The following SNTG2 variants were observed in gnomAD, a reference collection of about 807,000 sequenced individuals.
The protein encoded by SNTG2 is gamma-2-syntrophin.
A neutral mutation model predicts 70.9 loss-of-function variants in SNTG2; 74 were observed. The ratio of observed to expected loss-of-function variants is 1.04; its 90% CI spans 0.86 to 1.27. SNTG2 has a LOEUF of 1.27. SNTG2 is among the 50% of genes most tolerant of loss of function. The pLI, the probability that SNTG2 is intolerant of heterozygous loss-of-function variation, is 0.00. For synonymous variants in SNTG2, 278 were observed against 273.8 expected, an observed-to-expected ratio of 1.02 and a Z score of -0.15; for missense variants, 717 against 690.7, an observed-to-expected ratio of 1.04 and a Z score of -0.43.
intron 16 of SNTG2, among the ~76,000 whole-genome samples, chr2:1,365,848 C>T (rs1661448697): frequency 6.6e-6 from 1 of 152,254 alleles, no homozygotes; most frequent in African/African-American, 2.4e-5. Context: ...TGAGATGTCA[C>T]GTCTTTGAGT....
At chr2:1,314,439 C>A (rs1681172260) in intron 15 of SNTG2, among the ~76,000 whole-genome samples, 1 of 152,246 alleles carries the variant, frequency 6.6e-6, no homozygotes, top group African/African-American at 2.4e-5. Context: ...GCTGCCTAGG[C>A]AAGGTGGAAT....
chr2:1,209,955 G>T lies in SNTG2; in HGVS notation c.719+725G>T, dbSNP rs760711338. Among the ~76,000 whole-genome samples the T allele has an allele frequency of 1.3e-5, 2 of 152,124 alleles. 1 individual carries two copies. Among genetic ancestry groups the T allele is most frequent in the South Asian group, 4.2e-4 (2 of 4,814 alleles). ...GTGAATGTGTGTGGCTATAGTGTGT[G>T]TGGTCTGTGTGAATGTGTGTGGCCG... On this transcript the variant is annotated intron_variant, in intron 9 of 16. Transcript: ENST00000308624.
chr2:1,354,045 A>G (rs1314442148), intron 16 of SNTG2, among the ~76,000 whole-genome samples: 1 of 152,228 alleles, frequency 6.6e-6, no homozygotes, highest in Non-Finnish European at 1.5e-5. Context: ...CTAATTAGGG[A>G]AAAATTCAGG....
intron 14 of SNTG2, among the ~76,000 whole-genome samples, chr2:1,275,453 T>C (rs1679229169): frequency 6.6e-6 from 1 of 152,276 alleles, no homozygotes; most frequent in Non-Finnish European, 1.5e-5. Context: ...TCATTATCAC[T>C]ATATCTGTCA....
At chr2:1,105,801 C>G (rs1666085752) in intron 4 of SNTG2, among the ~76,000 whole-genome samples, 1 of 152,180 alleles carries the variant, frequency 6.6e-6, no homozygotes, top group Non-Finnish European at 1.5e-5. Context: ...CTGGGTCCCA[C>G]AGCCACATTT....
rs1020380960 is a variant in SNTG2 at position 1,295,150 on chromosome 2, G to A, written c.1285-13344G>A. ...CTAGGGTGGTGCCGCAGGGACTCTCGTGTGGCCATGAGCTCTGTGGCAACT... is the reference window on the plus strand; with the variant it reads ...CTAGGGTGGTGCCGCAGGGACTCTCATGTGGCCATGAGCTCTGTGGCAACT... On this transcript the variant is annotated intron_variant, in intron 14 of 16. Transcript: ENST00000308624. Among the ~76,000 whole-genome samples, 32 of 152,290 alleles carry A rather than the reference G, an allele frequency of 2.1e-4. 1 individual carries two copies. Among genetic ancestry groups the A allele is most frequent in the Admixed American group, 1.5e-3 (23 of 15,298 alleles).
At chr2:1,322,932 G>T (rs1265903364) in intron 16 of SNTG2, among the ~76,000 whole-genome samples, 2 of 152,084 alleles carry the variant, frequency 1.3e-5, no homozygotes, top group African/African-American at 4.8e-5. Context: ...AAGTGCCGCC[G>T]CTCAAGGCCA....
At chr2:1,104,172 A>G (rs1391524661) in intron 4 of SNTG2, among the ~76,000 whole-genome samples, 2 of 152,244 alleles carry the variant, frequency 1.3e-5, no homozygotes, top group East Asian at 1.9e-4. Context: ...TCTCTGGGTC[A>G]TCGTCCGGTG....
intron 1 of SNTG2, among the ~76,000 whole-genome samples, chr2:1,019,340 A>C (rs1286779552): frequency 6.6e-6 from 1 of 152,192 alleles, no homozygotes; most frequent in Non-Finnish European, 1.5e-5. Context: ...TAGTGATTCC[A>C]AACTGGCGTT....
intron 16 of SNTG2, among the ~76,000 whole-genome samples, chr2:1,360,117 C>T (rs1661060390): frequency 6.6e-6 from 1 of 152,152 alleles, no homozygotes; most frequent in South Asian, 2.1e-4. Context: ...TCTATCGATG[C>T]TTAACAAATT....
chr2:1,359,354 AC>A (rs1661020535), intron 16 of SNTG2, among the ~76,000 whole-genome samples: 1 of 152,058 alleles, frequency 6.6e-6, no homozygotes, highest in African/African-American at 2.4e-5. Flanking sequence ...GGGATGCTCA[AC>A]CTTTATTTAG....
intron 16 of SNTG2, among the ~76,000 whole-genome samples, chr2:1,324,988 G>A (rs2148276626): frequency 6.6e-6 from 1 of 152,318 alleles, no homozygotes; most frequent in East Asian, 1.9e-4. Flanking sequence ...TGAAAGTGAT[G>A]TTCTGTGCTT....
chr2:1,110,682 G>C lies in SNTG2; in HGVS notation c.325+12272G>C, dbSNP rs530021487. 7.8e-4 allele frequency among the ~76,000 whole-genome samples: 119 copies of C among 152,276 alleles called. No homozygotes were observed. The South Asian group carries it at 9.3e-3, about 12-fold the overall frequency. On this transcript the variant is annotated intron_variant, in intron 4 of 16. Transcript: ENST00000308624. ...CTCTCTGGCATCCGCTCCTCACACC[G>C]CTGGGCCTTTGCCTTTGCCATTCAT...
rs754786251 is a variant in SNTG2 at position 1,119,552 on chromosome 2, G to GTTTT, written c.326-18059_326-18056dup. On this transcript the variant is annotated intron_variant, in intron 4 of 16. Transcript: ENST00000308624. ...ACTGTGGAGGAGAAGTTAAAGGCTC[G>GTTTT]TTTTTTTTTTTTTTGTATAAAAAAA... 8.1e-4 allele frequency among the ~76,000 whole-genome samples: 114 copies of GTTTT among 140,488 alleles called. 1 individual carries two copies. Among genetic ancestry groups the GTTTT allele is most frequent in the Admixed American group, 5.7e-3 (80 of 14,154 alleles). The allele number at this position is 140,488 out of a possible 152,430, so 92.2% of individuals were successfully genotyped here. A position where few individuals can be genotyped will look rare whatever the true frequency, so the allele number is the denominator to read the frequency against.
At chr2:1,265,134 T>G (rs527871747) in intron 13 of SNTG2, among the ~76,000 whole-genome samples, 49 of 152,070 alleles carry the variant, frequency 3.2e-4, no homozygotes, top group African/African-American at 1.2e-3. Context: ...CTTTATCAGT[T>G]TTGACATTTA....
rs140648724 is a variant in SNTG2 at position 1,353,406 on chromosome 2, G to C, written c.1489-13937G>C. Among the ~76,000 whole-genome samples the C allele has an allele frequency of 2.9e-3, 439 of 152,244 alleles. No individual in the cohort carries two copies. Among genetic ancestry groups the C allele is most frequent in the African/African-American group, 8.1e-3 (337 of 41,530 alleles). Reference sequence around the variant, plus strand: ...GAGTTCCGGGGTGTGGCTGTTCCTCGTGATTGTTGCATTTCATCCTATACT... The same window carrying C: ...GAGTTCCGGGGTGTGGCTGTTCCTCCTGATTGTTGCATTTCATCCTATACT... On this transcript the variant is annotated intron_variant, in intron 16 of 16. Transcript: ENST00000308624. The surrounding 1 kb of genome is among the most constrained non-coding windows in gnomAD (Gnocchi z 4.2).
intron 14 of SNTG2, among the ~76,000 whole-genome samples, chr2:1,277,849 C>G (rs1267889527): frequency 2.0e-5 from 3 of 152,182 alleles, no homozygotes; most frequent in Non-Finnish European, 4.4e-5. Flanking sequence ...GGGGCACAGC[C>G]TCATAGACAA....
At chr2:1,239,024 G>A (rs1255588544) in intron 10 of SNTG2, among the ~76,000 whole-genome samples, 7 of 152,250 alleles carry the variant, frequency 4.6e-5, no homozygotes, top group African/African-American at 1.4e-4. Context: ...AAGCAGAGAA[G>A]GAAGTACCAG....
chr2:1,114,081 G>A (rs1209608163), intron 4 of SNTG2, among the ~76,000 whole-genome samples: 2 of 150,868 alleles, frequency 1.3e-5, no homozygotes, highest in African/African-American at 2.5e-5. Context: ...GGAGAATCAT[G>A]TGTACTAAGT....
Sources: gnomAD v4.1 joint callset for allele counts (sites outside exome capture counted in the v4.1 genomes callset) on GRCh38, gnomAD v4.1.1 for gene constraint, Gnocchi (gnomAD v3.1) non-coding constraint, MANE v1.5 for transcripts, NCBI Gene and HGNC (gene_info 2026-07-23, HGNC 2026-07-21) for gene names.